RECQL5: variants seen among roughly 807,000 people sequenced by gnomAD.
The protein encoded by RECQL5 is RecQ like helicase 5, also known as ATP-dependent DNA helicase Q5.
RECQL5 carries 88 observed loss-of-function variants against 103.4 expected under a neutral mutation model. That is an observed-to-expected ratio of 0.85 (90% CI 0.72 to 1.02). RECQL5 has a LOEUF of 1.02. Ranked by LOEUF, RECQL5 falls within the 50% of genes least tolerant of loss-of-function variation. The pLI is 0.00. For synonymous variants in RECQL5, 552 were observed against 507.9 expected, an observed-to-expected ratio of 1.09 and a Z score of -1.17; for missense variants, 1,232 against 1,284.3, an observed-to-expected ratio of 0.96 and a Z score of 0.62.
intron 8 of RECQL5, among the ~76,000 whole-genome samples, chr17:75,648,289 C>T (rs2059512404): frequency 6.6e-6 from 1 of 152,192 alleles, no homozygotes; most frequent in Admixed American, 6.5e-5. Flanking sequence ...TCAGGTAAAT[C>T]TTCCCTAACC....
intron 7 of RECQL5, among the ~76,000 whole-genome samples, chr17:75,651,916 G>A (rs888231346): frequency 3.3e-5 from 5 of 152,136 alleles, no homozygotes; most frequent in Non-Finnish European, 5.9e-5. Context: ...AAAAGGTTAA[G>A]TGACTCTTCT....
chr17:75,635,231 C>A (rs1194202793), intron 8 of RECQL5, among the ~76,000 whole-genome samples: 2 of 152,196 alleles, frequency 1.3e-5, no homozygotes, highest in Non-Finnish European at 2.9e-5. Flanking sequence ...GGGAGACAAG[C>A]TCCTGCGGTG....
At chr17:75,647,149 G>T (rs1013018408) in intron 8 of RECQL5, among the ~76,000 whole-genome samples, 3 of 152,212 alleles carry the variant, frequency 2.0e-5, no homozygotes, top group African/African-American at 4.8e-5. Context: ...CACTTCTTGC[G>T]CCAGTCCTGG....
At chr17:75,653,416 G>A (rs1488820179) in intron 7 of RECQL5, among the ~76,000 whole-genome samples, 1 of 152,206 alleles carries the variant, frequency 6.6e-6, no homozygotes, top group Non-Finnish European at 1.5e-5. Flanking sequence ...AAGCTCTGGT[G>A]CAGCTCTGCT....
At chr17:75,662,117 C>G (rs1193150714) in intron 4 of RECQL5, among the ~76,000 whole-genome samples, 1 of 151,978 alleles carries the variant, frequency 6.6e-6, no homozygotes, top group African/African-American at 2.4e-5. Context: ...GCCAAGATTG[C>G]GCCATTGCAC....
At chr17:75,655,057 T>C (rs941738458) in intron 7 of RECQL5, among the ~76,000 whole-genome samples, 1 of 152,128 alleles carries the variant, frequency 6.6e-6, no homozygotes, top group Non-Finnish European at 1.5e-5. Context: ...TCCCGAAGTG[T>C]TGGGATTACA....
Position 75,662,957 on chromosome 17 carries a change from C to G in RECQL5, c.293G>C (p.Ser98Thr). Residue 98 changes from serine (S) to threonine (T), a missense_variant, in exon 4 of 20, where the codon AGT (serine) becomes ACT (threonine). Transcript: ENST00000317905. ...DHLLTLKVRV[S>T]SLNSKLSAQE... Reference sequence around the variant, plus strand: ...TGCAGAGAGCTTCGAGTTCAGGGAACTTACTCGTACCTTTAGGGTTAGCAA... The same window carrying G: ...TGCAGAGAGCTTCGAGTTCAGGGAAGTTACTCGTACCTTTAGGGTTAGCAA... 6.2e-7 allele frequency: 1 copy of G among 1,613,264 alleles called. No individual in the cohort carries two copies. The highest frequency in any genetic ancestry group is 8.5e-7 in the Non-Finnish European group (1 of 1,179,656).
At chr17:75,652,089 T>G (rs1420387800) in intron 7 of RECQL5, among the ~76,000 whole-genome samples, 2 of 152,082 alleles carry the variant, frequency 1.3e-5, no homozygotes, top group African/African-American at 4.8e-5. Flanking sequence ...TAGCCAGGCA[T>G]GGTGGTGCAT....
At chr17:75,642,944 A>G (rs747257746) in intron 8 of RECQL5, among the ~76,000 whole-genome samples, 3 of 152,226 alleles carry the variant, frequency 2.0e-5, no homozygotes, top group Non-Finnish European at 2.9e-5. Context: ...TCCTGGTTGC[A>G]GTACAGATAA....
intron 8 of RECQL5, among the ~76,000 whole-genome samples, chr17:75,644,630 A>G (rs2059468898): frequency 6.6e-6 from 1 of 152,198 alleles, no homozygotes; most frequent in African/African-American, 2.4e-5. Flanking sequence ...AGCCACGGAT[A>G]CAAGAATCTC....
In RECQL5 at chr17:75,667,152, T is replaced by C; in HGVS notation, c.-123A>G. 5.2e-6 allele frequency: 3 copies of C among 573,916 alleles called. No homozygotes were observed. The highest frequency in any genetic ancestry group is 9.3e-6 in the Non-Finnish European group (3 of 323,784). The allele number at this position is 573,916 out of a possible 1,614,324, so 35.6% of individuals were successfully genotyped here. ...CTCAGAGAAGCCAAAGCGCTGGGAA[T>C]TCAGCTTTAGGCAGAACCCACGCAA... On this transcript the variant is annotated 5_prime_UTR_variant, in exon 1 of 20. Coordinates refer to ENST00000317905, the MANE Select transcript of RECQL5 (RefSeq NM_004259.7).
Position 75,651,045 on chromosome 17 carries a change from C to T in RECQL5, c.1229+141G>A, listed in dbSNP as rs111250242. ...GAAGAGCAAGGTCCTGACTTCCACA[C>T]TGCCCGACACAACAGCCTTTGCAGG... is the stretch of plus-strand genomic sequence containing the variant. On this transcript the variant is annotated intron_variant, in intron 8 of 19. Transcript: ENST00000317905. The T allele has an allele frequency of 6.4e-6, 10 of 1,562,284 alleles. No individual in the cohort carries two copies. In the African/African-American group the frequency reaches 1.2e-4, roughly 19 times the overall value.
Position 75,631,580 on chromosome 17 carries a change from C to A in RECQL5, c.1318G>T (p.Val440Leu). The change falls in exon 9 of 20, where the codon GTG (valine) becomes TTG (leucine). Residue 440 changes from valine to leucine, a missense_variant. Coordinates refer to ENST00000317905, the MANE Select transcript of RECQL5 (RefSeq NM_004259.7). ...TCCAAGGCCTCCAGCCGCCTCCGCACGGCCGTGGGGTTCTGGCAGTGGTCG... is the reference window on the plus strand; with the variant it reads ...TCCAAGGCCTCCAGCCGCCTCCGCAAGGCCGTGGGGTTCTGGCAGTGGTCG... The part of the protein sequence containing the change: ...GCDHCQNPTA[V>L]RRRLEALERS... 2 of 1,613,026 alleles carry A rather than the reference C, an allele frequency of 1.2e-6. No homozygotes were observed. Among genetic ancestry groups the A allele is most frequent in the South Asian group, 1.1e-5 (1 of 91,072 alleles).
At chr17:75,657,724 T>G (rs1599049994) in intron 7 of RECQL5, among the ~76,000 whole-genome samples, 2 of 130,688 alleles carry the variant, frequency 1.5e-5, no homozygotes, top group Admixed American at 8.6e-5. Flanking sequence ...TTAGCCTGGG[T>G]GACAGTGAGA....
chr17:75,644,336 G>A (rs776249949), intron 8 of RECQL5, among the ~76,000 whole-genome samples: 1 of 151,834 alleles, frequency 6.6e-6, no homozygotes, highest in South Asian at 2.1e-4. Flanking sequence ...CAACAGACCA[G>A]CATAGTATAT....
chr17:75,665,300 T>TC, intron 2 of RECQL5, 128 bp from the exon 3 acceptor site: 1 of 790,446 alleles, frequency 1.3e-6, no homozygotes, highest in Non-Finnish European at 2.0e-6. Flanking sequence ...CTCGATGTAA[T>TC]CCTAATTCCC....
chr17:75,652,620 C>A (rs1248540876), intron 7 of RECQL5: 1 of 152,588 alleles, frequency 6.6e-6, no homozygotes. Flanking sequence ...GGTCACCAGG[C>A]CTGGACCCAC....
chr17:75,647,576 T>C (rs1391348058), intron 8 of RECQL5: 1 of 1,549,702 alleles, frequency 6.5e-7, no homozygotes, highest in Non-Finnish European at 8.7e-7. Flanking sequence ...CCTGACTTGC[T>C]GGGGACTGAG....
At chr17:75,629,610 G>C in intron 15 of RECQL5, 98 bp downstream of exon 15, 1 of 1,513,022 alleles carries the variant, frequency 6.6e-7, no homozygotes. Context: ...GGACCCTGGT[G>C]GGGAGCCAGG....
Sources: gnomAD v4.1 joint callset for allele counts (sites outside exome capture counted in the v4.1 genomes callset) on GRCh38, gnomAD v4.1.1 for gene constraint, MANE v1.5 for transcripts, NCBI Gene and HGNC (gene_info 2026-07-23, HGNC 2026-07-21) for gene names.